The following PDE8A variants were observed in gnomAD, a reference collection of about 807,000 sequenced individuals.
PDE8A encodes high affinity cAMP-specific and IBMX-insensitive 3',5'-cyclic phosphodiesterase 8A.
A neutral mutation model predicts 105.0 loss-of-function variants in PDE8A; 59 were observed. That is an observed-to-expected ratio of 0.56 (90% CI 0.46 to 0.70). The LOEUF (loss-of-function observed/expected upper bound fraction) is 0.70. PDE8A is among the 30% of genes least tolerant of loss of function. The pLI is 0.00. For missense variants in PDE8A, 1,014 were observed against 1,045.9 expected (o/e 0.97, Z 0.42); for synonymous variants, 355 against 371.9 (o/e 0.95, Z 0.52).
At chr15:85,057,771 C>G (rs1483282950) in intron 1 of PDE8A, among the ~76,000 whole-genome samples, 1 of 152,044 alleles carries the variant, frequency 6.6e-6, no homozygotes, top group Non-Finnish European at 1.5e-5. Flanking sequence ...TGTTAAATGC[C>G]TTTTCTGCAT....
chr15:85,021,744 A>T (rs67393789), intron 1 of PDE8A, among the ~76,000 whole-genome samples: 13,169 of 152,162 alleles, frequency 0.087, 1,572 homozygotes, highest in African/African-American at 0.27. Flanking sequence ...GTCCATTGAG[A>T]TCTAGATGTT....
intron 1 of PDE8A, among the ~76,000 whole-genome samples, chr15:85,035,212 T>C (rs1209355476): frequency 2.9e-5 from 4 of 139,220 alleles, no homozygotes; most frequent in African/African-American, 1.1e-4. Flanking sequence ...TTTTTTTTTT[T>C]TTTTTTTTTT....
intron 1 of PDE8A, among the ~76,000 whole-genome samples, chr15:85,012,527 A>G (rs1048385149): frequency 8.2e-6 from 1 of 121,916 alleles, no homozygotes; most frequent in Non-Finnish European, 1.6e-5. Flanking sequence ...GAAGGGGAAC[A>G]TCACACTCTG....
intron 1 of PDE8A, among the ~76,000 whole-genome samples, chr15:84,984,266 C>G (rs1447837558): frequency 3.9e-5 from 6 of 152,118 alleles, no homozygotes; most frequent in Admixed American, 2.0e-4. Context: ...GTTGATATCT[C>G]ATTTACAGTT....
intron 11 of PDE8A, among the ~76,000 whole-genome samples, chr15:85,105,291 A>G (rs1417096337): frequency 6.6e-6 from 1 of 152,138 alleles, no homozygotes; most frequent in East Asian, 1.9e-4. Flanking sequence ...CCAGAGGCCC[A>G]TGTGCAGAGA....
chr15:85,052,116 T>G lies in PDE8A; in HGVS notation c.187-12254T>G, dbSNP rs190364598. On this transcript the variant is annotated intron_variant, in intron 1 of 21. Transcript: ENST00000394553. The stretch of plus-strand genomic sequence containing the variant: ...CAATAGTTTGCTCAGAATGATGGTT[T>G]CCAGCTTCATCCATGTCCCTACAAA... Among the ~76,000 whole-genome samples, 953 of 152,298 alleles carry G rather than the reference T, an allele frequency of 6.3e-3. 5 individuals carry two copies. The highest frequency in any genetic ancestry group is 0.022 in the African/African-American group (915 of 41,558).
At chr15:85,041,891 A>T (rs879276098) in intron 1 of PDE8A, among the ~76,000 whole-genome samples, 19 of 152,042 alleles carry the variant, frequency 1.2e-4, no homozygotes, top group Non-Finnish European at 2.6e-4. Context: ...TTCTTTGTTG[A>T]TGTTGTTAGT....
intron 1 of PDE8A, 110 bp from the exon 2 acceptor site, chr15:85,064,260 C>A: frequency 2.9e-6 from 2 of 686,246 alleles, no homozygotes; most frequent in South Asian, 1.9e-5. Flanking sequence ...CTTTATTTGC[C>A]TCTAGAATAG....
At chr15:85,137,435 A>T (rs968656527) in intron 21 of PDE8A, among the ~76,000 whole-genome samples, 13 of 145,024 alleles carry the variant, frequency 9.0e-5, no homozygotes, top group Admixed American at 4.1e-4. Flanking sequence ...GACAGTGAGC[A>T]CACAAGGGCC....
In PDE8A at chr15:85,105,527, T is replaced by G. The variant is rs148319664; in HGVS notation, c.1037-3526T>G. Reference sequence around the variant, plus strand: ...ATGCGAGTTGGAGGAAGCTGCTGTTTTTGAGGGGTACTGATTGGTTATCCT... The same window carrying G: ...ATGCGAGTTGGAGGAAGCTGCTGTTGTTGAGGGGTACTGATTGGTTATCCT... On this transcript the variant is annotated intron_variant, in intron 11 of 21. Coordinates refer to ENST00000394553, the MANE Select transcript of PDE8A (RefSeq NM_002605.3). Among the ~76,000 whole-genome samples, 886 of 152,308 alleles carry G rather than the reference T, an allele frequency of 5.8e-3. 11 individuals carry two copies. The highest frequency in any genetic ancestry group is 0.019 in the African/African-American group (804 of 41,562).
At chr15:85,028,089 CATG>C (rs1297416297) in intron 1 of PDE8A, among the ~76,000 whole-genome samples, 4 of 152,152 alleles carry the variant, frequency 2.6e-5, no homozygotes, top group South Asian at 2.1e-4. Context: ...TTTTTGTAAT[CATG>C]ATTCCTAAAA....
At chr15:85,102,663 A>T (rs28432948) in intron 11 of PDE8A, among the ~76,000 whole-genome samples, 7,286 of 151,752 alleles carry the variant, frequency 0.048, 246 homozygotes, top group African/African-American at 0.097. Flanking sequence ...AACATGGAGA[A>T]ACCTCGTCTC....
chr15:85,004,558 G>A lies in PDE8A; in HGVS notation c.186+22210G>A, dbSNP rs531356072. 5.3e-5 allele frequency among the ~76,000 whole-genome samples: 8 copies of A among 152,302 alleles called. No individual in the cohort carries two copies. In the South Asian group the frequency reaches 6.2e-4, roughly 12 times the overall value. On this transcript the variant is annotated intron_variant, in intron 1 of 21. Transcript: ENST00000394553. Reference sequence around the variant, plus strand: ...CGCAAGAGCTGACCCTGGACTCTGCGTTAGCATGAGGCAGTAAATCCACTC... The same window carrying A: ...CGCAAGAGCTGACCCTGGACTCTGCATTAGCATGAGGCAGTAAATCCACTC...
chr15:85,121,140 C>A, intron 18 of PDE8A, 126 bp downstream of exon 18: 1 of 616,742 alleles, frequency 1.6e-6, no homozygotes, highest in Non-Finnish European at 2.8e-6. Context: ...GTGGGCCGGA[C>A]ATAGTGGCTC....
chr15:85,082,570 C>T (rs926170415), intron 5 of PDE8A, among the ~76,000 whole-genome samples: 55 of 152,046 alleles, frequency 3.6e-4, no homozygotes, highest in Non-Finnish European at 4.0e-4. Flanking sequence ...ACAGTTCAGA[C>T]GGGTCATTTG....
intron 1 of PDE8A, among the ~76,000 whole-genome samples, chr15:85,047,825 C>T (rs531023505): frequency 3.3e-5 from 5 of 152,100 alleles, no homozygotes; most frequent in Non-Finnish European, 5.9e-5. Flanking sequence ...TTATCTTTTC[C>T]CTCAGCTTGT....
intron 1 of PDE8A, among the ~76,000 whole-genome samples, chr15:85,014,237 C>T (rs2080287204): frequency 6.6e-6 from 1 of 151,984 alleles, no homozygotes. Flanking sequence ...GCCTCGAACT[C>T]CTGGGCTAAA....
chr15:85,089,304 C>A (rs2081602829), intron 6 of PDE8A, 34 bp from the exon 7 acceptor site: 1 of 1,087,354 alleles, frequency 9.2e-7, no homozygotes, highest in Non-Finnish European at 1.4e-6. Flanking sequence ...GTAGTATTTA[C>A]ATTAATCATT....
chr15:85,049,209 A>G lies in PDE8A; in HGVS notation c.187-15161A>G, dbSNP rs577816214. Among the ~76,000 whole-genome samples, 15 of 152,346 alleles carry G rather than the reference A, an allele frequency of 9.8e-5. No homozygotes were observed. The South Asian group carries it at 2.9e-3, about 29-fold the overall frequency. ...AAATACACATAACGTAAAATATACC[A>G]TCTTAACCAGTTTTAAGTGTACGGT... is the stretch of plus-strand genomic sequence containing the variant. On this transcript the variant is annotated intron_variant, in intron 1 of 21. Transcript: ENST00000394553.
Sources: gnomAD v4.1 joint callset for allele counts (sites outside exome capture counted in the v4.1 genomes callset) on GRCh38, gnomAD v4.1.1 for gene constraint, MANE v1.5 for transcripts, NCBI Gene and HGNC (gene_info 2026-07-23, HGNC 2026-07-21) for gene names.